The following MCPH1 variants were observed in gnomAD, a reference collection of about 807,000 sequenced individuals.
MCPH1 encodes microcephalin.
A neutral mutation model predicts 84.5 loss-of-function variants in MCPH1; 104 were observed. That is an observed-to-expected ratio of 1.23 (90% CI 1.05 to 1.45). The LOEUF (loss-of-function observed/expected upper bound fraction) is 1.45, where lower values mean the gene tolerates loss of function less well. Among genes scored for constraint, MCPH1 ranks in the 40% most tolerant of loss-of-function variants. The pLI, the probability that MCPH1 is intolerant of heterozygous loss-of-function variation, is 0.00. For synonymous variants in MCPH1, 514 were observed against 366.8 expected (o/e 1.40, Z -4.58); for missense variants, 1,498 against 1,005.7 (o/e 1.49, Z -6.62).
At chr8:6,582,712 G>A (rs780893379) in intron 12 of MCPH1, among the ~76,000 whole-genome samples, 4 of 152,142 alleles carry the variant, frequency 2.6e-5, no homozygotes, top group Admixed American at 6.5e-5. Flanking sequence ...GGAATCCTTC[G>A]TCATTCAAGC....
intron 8 of MCPH1, chr8:6,447,078 C>T (rs1804499557): frequency 5.1e-6 from 5 of 985,458 alleles, no homozygotes; most frequent in Non-Finnish European, 4.8e-6. Context: ...CTTCTACAGT[C>T]ACCTGCCTTC....
At chr8:6,446,501 T>A (rs1804396275) in intron 8 of MCPH1, 1 of 980,652 alleles carries the variant, frequency 1.0e-6, no homozygotes, top group African/African-American at 1.9e-5. Context: ...AAAATAATTT[T>A]ATGTTTTTGG....
chr8:6,625,724 C>A (rs1210524681), intron 13 of MCPH1: 1 of 971,060 alleles, frequency 1.0e-6, no homozygotes, highest in Non-Finnish European at 1.2e-6. Context: ...TTCAAGGCTG[C>A]GGTGAGCAAC....
At chr8:6,533,335 A>G (rs368890717) in intron 12 of MCPH1, among the ~76,000 whole-genome samples, 40 of 152,356 alleles carry the variant, frequency 2.6e-4, no homozygotes, top group African/African-American at 7.7e-4. Flanking sequence ...ATGATTATGT[A>G]TAACTGCAAG....
intron 3 of MCPH1, among the ~76,000 whole-genome samples, chr8:6,423,315 C>T (rs897208441): frequency 6.7e-6 from 1 of 149,890 alleles, no homozygotes; most frequent in Non-Finnish European, 1.5e-5. Flanking sequence ...CAGGCGCCCG[C>T]CACCACGCCT....
chr8:6,455,908 C>A (rs1311366702), intron 9 of MCPH1, among the ~76,000 whole-genome samples: 2 of 151,994 alleles, frequency 1.3e-5, no homozygotes, highest in African/African-American at 4.8e-5. Context: ...TAGGGAAAAA[C>A]CATACCGATT....
chr8:6,591,024 G>A (rs531735006), intron 12 of MCPH1, among the ~76,000 whole-genome samples: 1 of 152,314 alleles, frequency 6.6e-6, no homozygotes, highest in African/African-American at 2.4e-5. Context: ...TCAGCCTCCC[G>A]AGTAGCTGGG....
chr8:6,435,975 T>C (rs1490243497), intron 4 of MCPH1, 73 bp from the exon 5 acceptor site: 5 of 1,571,624 alleles, frequency 3.2e-6, no homozygotes, highest in Non-Finnish European at 4.3e-6. Flanking sequence ...ATCAGAAATG[T>C]ATGCGAAAGG....
chr8:6,486,284 C>T (rs1387808799), intron 11 of MCPH1, among the ~76,000 whole-genome samples: 1 of 151,834 alleles, frequency 6.6e-6, no homozygotes, highest in African/African-American at 2.4e-5. Flanking sequence ...CTCTCTCTCT[C>T]TCTCTCTCTC....
intron 12 of MCPH1, among the ~76,000 whole-genome samples, chr8:6,614,584 G>A (rs2959801): frequency 0.25 from 37,502 of 152,146 alleles, 4,992 homozygotes; most frequent in Non-Finnish European, 0.31. Flanking sequence ...ACACACGTCC[G>A]TTGGCCTAAC....
chr8:6,464,374 C>T (rs536272230), intron 9 of MCPH1, among the ~76,000 whole-genome samples: 9 of 152,308 alleles, frequency 5.9e-5, no homozygotes, highest in African/African-American at 2.2e-4. Flanking sequence ...TTTCAGCCCC[C>T]ATTAGCACGT....
At chr8:6,447,499 C>T (rs959356811) in intron 8 of MCPH1, 16 of 793,676 alleles carry the variant, frequency 2.0e-5, no homozygotes, top group Middle Eastern at 6.4e-4. Context: ...AGCTTCAATA[C>T]GCTGATAGAA....
chr8:6,622,967 A>T (rs982289765), intron 13 of MCPH1, among the ~76,000 whole-genome samples: 1 of 151,008 alleles, frequency 6.6e-6, no homozygotes, highest in Non-Finnish European at 1.5e-5. Context: ...CAGCCTCCCA[A>T]GTAGCTGGAA....
intron 12 of MCPH1, among the ~76,000 whole-genome samples, chr8:6,579,600 C>G (rs1031262632): frequency 2.4e-4 from 36 of 152,134 alleles, no homozygotes; most frequent in African/African-American, 8.5e-4. Flanking sequence ...TTTGCTCATG[C>G]TTTTGTTGTT....
At chr8:6,507,579 T>TCC (rs1814018649) in intron 12 of MCPH1, 1 of 127,144 alleles carries the variant, frequency 7.9e-6, no homozygotes, top group African/African-American at 3.4e-5. Flanking sequence ...TTTCTTTTTT[T>TCC]TTTTTTTTTT....
At chr8:6,550,309 C>G (rs941065180) in intron 12 of MCPH1, among the ~76,000 whole-genome samples, 1 of 152,160 alleles carries the variant, frequency 6.6e-6, no homozygotes, top group African/African-American at 2.4e-5. Context: ...CTGCCTCTCC[C>G]TATGTGTGTG....
At chr8:6,593,624 G>C (rs1828692107) in intron 12 of MCPH1, among the ~76,000 whole-genome samples, 1 of 152,182 alleles carries the variant, frequency 6.6e-6, no homozygotes, top group African/African-American at 2.4e-5. Context: ...AAAGTGTTGG[G>C]ATTATAGGTG....
At chr8:6,626,015 G>A (rs1563210250) in intron 13 of MCPH1, 1 of 985,204 alleles carries the variant, frequency 1.0e-6, no homozygotes, top group Non-Finnish European at 1.2e-6. Flanking sequence ...CTCTTCCCCT[G>A]GGACTGCAGC....
intron 12 of MCPH1, among the ~76,000 whole-genome samples, chr8:6,535,394 C>G (rs1820298911): frequency 6.6e-6 from 1 of 152,132 alleles, no homozygotes; most frequent in Admixed American, 6.5e-5. Flanking sequence ...ATTTCTTAAC[C>G]TGCCATATTG....
Sources: gnomAD v4.1 joint callset for allele counts (sites outside exome capture counted in the v4.1 genomes callset) on GRCh38, gnomAD v4.1.1 for gene constraint, MANE v1.5 for transcripts, NCBI Gene and HGNC (gene_info 2026-07-23, HGNC 2026-07-21) for gene names.